Variants in XRN1 observed in about 807,000 individuals in gnomAD.
The protein encoded by XRN1 is 5'-3' exoribonuclease 1.
Under a neutral mutation model 222.3 loss-of-function variants are expected in XRN1, and 67 were observed. The ratio of observed to expected loss-of-function variants is 0.30; its 90% CI spans 0.25 to 0.37. The LOEUF (loss-of-function observed/expected upper bound fraction) is 0.37. Among genes scored for constraint, XRN1 ranks in the 10% least tolerant of loss-of-function variants. The pLI, the probability that XRN1 is intolerant of heterozygous loss-of-function variation, is 1.00. For synonymous variants in XRN1, 643 were observed against 652.4 expected (o/e 0.99, Z 0.22); for missense variants, 1,707 against 2,000.2 (o/e 0.85, Z 2.80).
At chr3:142,389,448 A>C (rs1252640648) in intron 20 of XRN1, among the ~76,000 whole-genome samples, 6 of 152,168 alleles carry the variant, frequency 3.9e-5, no homozygotes, top group African/African-American at 1.4e-4. Context: ...TTGAAATCCC[A>C]TGAATCATGA....
intron 37 of XRN1, among the ~76,000 whole-genome samples, chr3:142,321,612 T>G (rs1006773003): frequency 1.3e-5 from 2 of 152,190 alleles, no homozygotes; most frequent in Non-Finnish European, 2.9e-5. Context: ...ACAGAGTGTG[T>G]TTCTATTTGT....
At chr3:142,396,671 T>C (rs1049140041) in intron 20 of XRN1, among the ~76,000 whole-genome samples, 6 of 152,240 alleles carry the variant, frequency 3.9e-5, no homozygotes, top group Non-Finnish European at 7.3e-5. Context: ...GGAGTATCCC[T>C]GAATTCTCCG....
chr3:142,320,637 T>C (rs2065328037), intron 37 of XRN1, among the ~76,000 whole-genome samples: 1 of 152,194 alleles, frequency 6.6e-6, no homozygotes, highest in South Asian at 2.1e-4. Context: ...TCTAGGCCAA[T>C]GTCCAGAAGT....
intron 39 of XRN1, among the ~76,000 whole-genome samples, chr3:142,314,124 T>A (rs2065146187): frequency 1.3e-5 from 2 of 152,162 alleles, no homozygotes; most frequent in South Asian, 2.1e-4. Context: ...CATCACAAAT[T>A]TTTTTATACC....
intron 29 of XRN1, among the ~76,000 whole-genome samples, chr3:142,362,177 G>C (rs982190415): frequency 2.0e-5 from 3 of 151,414 alleles, no homozygotes; most frequent in African/African-American, 7.3e-5. Flanking sequence ...TCGATCTGTC[G>C]CCCAGGCTAA....
intron 20 of XRN1, among the ~76,000 whole-genome samples, chr3:142,388,374 T>C (rs565579390): frequency 6.3e-4 from 96 of 152,354 alleles, no homozygotes; most frequent in African/African-American, 2.2e-3. Context: ...ATCAACTACT[T>C]ATGTTATCGG....
At chr3:142,415,585 A>T (rs1410663996) in intron 13 of XRN1, among the ~76,000 whole-genome samples, 1 of 152,216 alleles carries the variant, frequency 6.6e-6, no homozygotes, top group African/African-American at 2.4e-5. Context: ...TTACAACAGG[A>T]ATAACTTACA....
intron 33 of XRN1, among the ~76,000 whole-genome samples, chr3:142,346,481 T>A (rs2066146266): frequency 6.6e-6 from 1 of 151,486 alleles, no homozygotes; most frequent in Admixed American, 6.6e-5. Flanking sequence ...GACACAATCA[T>A]CCTCTTTTTT....
chr3:142,319,023 C>G, intron 37 of XRN1, 120 bp from the exon 38 acceptor site: 2 of 863,870 alleles, frequency 2.3e-6, no homozygotes, highest in East Asian at 5.4e-5. Context: ...GCTTTCAGTT[C>G]AAGTTTTCAA....
intron 24 of XRN1, 57 bp from the exon 25 acceptor site, chr3:142,376,001 C>CACAA: frequency 6.7e-7 from 1 of 1,488,728 alleles, no homozygotes; most frequent in Admixed American, 2.4e-5. Context: ...CACACACACA[C>CACAA]GAGTTTTAAA....
chr3:142,330,435 T>C (rs990958628), intron 36 of XRN1, among the ~76,000 whole-genome samples: 9 of 152,150 alleles, frequency 5.9e-5, no homozygotes, highest in African/African-American at 1.2e-4. Flanking sequence ...AACTCACTAA[T>C]AGAACAAAAG....
intron 15 of XRN1, among the ~76,000 whole-genome samples, chr3:142,411,379 G>A (rs2068572298): frequency 6.6e-6 from 1 of 151,980 alleles, no homozygotes; most frequent in African/African-American, 2.4e-5. Context: ...TTCTGCTTGA[G>A]TTTAATTTGC....
chr3:142,323,401 C>T (rs1161757384), intron 37 of XRN1, among the ~76,000 whole-genome samples: 8 of 151,476 alleles, frequency 5.3e-5, no homozygotes, highest in Non-Finnish European at 1.2e-4. Flanking sequence ...AGGCTGGTCT[C>T]GAACTCCTTA....
chr3:142,441,917 A>ACAATTCATTCGTATT, intron 1 of XRN1, among the ~76,000 whole-genome samples: 1 of 152,244 alleles, frequency 6.6e-6, no homozygotes. Context: ...CAATTCGTAT[A>ACAATTCATTCGTATT]CAATTCATTC....
At position 142,347,297 on chromosome 3, in the gene XRN1, T is replaced by C. The variant is rs2066172616; in HGVS notation, c.3814A>G (p.Lys1272Glu). 6.2e-7 allele frequency: 1 copy of C among 1,607,512 alleles called. No individual in the cohort carries two copies. The highest frequency in any genetic ancestry group is 8.5e-7 in the Non-Finnish European group (1 of 1,176,950). ...QEISQVNQHHKSGFNDNSVKY... is the reference protein window; with the variant it reads ...QEISQVNQHHESGFNDNSVKY... ...ACACTGTTGTCATTAAAGCCAGATTTATGATGTTGATTTACTTGGCTTATT... is the reference window on the plus strand; with the variant it reads ...ACACTGTTGTCATTAAAGCCAGATTCATGATGTTGATTTACTTGGCTTATT... Residue 1272 changes from lysine (K) to glutamate (E), a missense_variant, in exon 33 of 41, where the codon AAA becomes GAA. By Grantham distance (56) the Lys-to-Glu change is moderately conservative. Around this residue, in one of 2 missense-constraint regions of XRN1, gnomAD observed 1,234 missense variants for 1,518.2 expected, o/e 0.81. Transcript: ENST00000392981.
chr3:142,430,221 G>A (rs879395899), intron 2 of XRN1, among the ~76,000 whole-genome samples: 2 of 152,018 alleles, frequency 1.3e-5, no homozygotes, highest in South Asian at 2.1e-4. Flanking sequence ...CTAGATTCCC[G>A]CCCTTTTGGC....
chr3:142,414,007 T>C (rs1164184721), intron 14 of XRN1, 128 bp downstream of exon 14: 6 of 984,306 alleles, frequency 6.1e-6, no homozygotes, highest in African/African-American at 1.7e-5. Context: ...GTTAAAAAAA[T>C]ACTATGGTTT....
chr3:142,368,915 G>A (rs536477732), intron 27 of XRN1, among the ~76,000 whole-genome samples: 15 of 152,200 alleles, frequency 9.9e-5, no homozygotes, highest in African/African-American at 2.9e-4. Flanking sequence ...AGTAGTTTAC[G>A]CAATATTAAC....
At chr3:142,382,321 C>G (rs990434248) in intron 22 of XRN1, among the ~76,000 whole-genome samples, 9 of 152,072 alleles carry the variant, frequency 5.9e-5, no homozygotes, top group African/African-American at 1.9e-4. Context: ...TCAACTGCAG[C>G]ACTCTCTCCA....
Sources: gnomAD v4.1 joint callset for allele counts (sites outside exome capture counted in the v4.1 genomes callset) on GRCh38, gnomAD v4.1.1 for gene constraint, gnomAD v4.1.1 regional missense constraint, MANE v1.5 for transcripts, NCBI Gene and HGNC (gene_info 2026-07-23, HGNC 2026-07-21) for gene names.